DPH1: variants seen among roughly 807,000 people sequenced by gnomAD.
DPH1 encodes the protein diphthamide biosynthesis 1.
In DPH1, 59 loss-of-function variants were observed where a neutral mutation model predicts 55.3. The observed-to-expected ratio is 1.07, with a 90% CI of 0.87 to 1.33. The LOEUF (loss-of-function observed/expected upper bound fraction) is 1.33. Among genes scored for constraint, DPH1 ranks in the 40% most tolerant of loss-of-function variants. The pLI, the probability that DPH1 is intolerant of heterozygous loss-of-function variation, is 0.00. For synonymous variants in DPH1, 238 were observed against 235.5 expected (o/e 1.01, Z -0.10); for missense variants, 628 against 584.8 (o/e 1.07, Z -0.76).
chr17:2,031,234 T>C (rs770758062), intron 1 of DPH1, among the ~76,000 whole-genome samples: 33 of 151,916 alleles, frequency 2.2e-4, no homozygotes, highest in African/African-American at 7.7e-4. Flanking sequence ...CTGGGAAACA[T>C]AGGGGGACCC....
intron 12 of DPH1, 131 bp from the exon 13 acceptor site, chr17:2,042,474 A>C (rs1555526363): frequency 5.2e-6 from 7 of 1,345,242 alleles, no homozygotes; most frequent in African/African-American, 1.5e-5. Flanking sequence ...CCCCCCTCTC[A>C]TTTCCCCCAG....
At position 2,036,238 on chromosome 17, in the gene DPH1, C is replaced by T. The variant is rs994031609; in HGVS notation, c.400+147C>T. The T allele has an allele frequency of 7.2e-7, 1 of 1,387,466 alleles. No homozygotes were observed. Among genetic ancestry groups the T allele is most frequent in the South Asian group, 1.4e-5 (1 of 69,544 alleles). 85.9% of individuals were successfully genotyped at this position (1,387,466 alleles called of 1,614,324 possible). ...CTGGGGTGGCCTCTGCCTTCCCGCTCTGCAGGTAGATCTTTCCTTTGGATT... is the reference window on the plus strand; with the variant it reads ...CTGGGGTGGCCTCTGCCTTCCCGCTTTGCAGGTAGATCTTTCCTTTGGATT... On this transcript the variant is annotated intron_variant, in intron 4 of 12. Transcript: ENST00000263083. This position sits in a 1 kb window ranked among gnomAD's most constrained non-coding sequence, Gnocchi z 4.8.
intron 6 of DPH1, among the ~76,000 whole-genome samples, chr17:2,038,318 CA>C (rs913430058): frequency 4.6e-5 from 7 of 151,936 alleles, no homozygotes; most frequent in Non-Finnish European, 1.0e-4. Flanking sequence ...GACCCTGCCT[CA>C]AAAAAACAAA....
chr17:2,041,895 G>A lies in DPH1; in HGVS notation c.*18+20G>A, dbSNP rs752134066. The stretch of plus-strand genomic sequence containing the variant: ...CCTCAGGTATCAGCCCCCGCTCTGG[G>A]TGCGCCCCGCCTTTTGCCGTTGTCA... On this transcript the variant is annotated intron_variant, in intron 12 of 12. Coordinates refer to ENST00000263083, the MANE Select transcript of DPH1 (RefSeq NM_001383.6). 3.2e-6 allele frequency: 5 copies of A among 1,553,486 alleles called. No homozygotes were observed. In the African/African-American group the frequency reaches 4.1e-5, roughly 13 times the overall value.
chr17:2,035,899 C>T, intron 3 of DPH1, 71 bp from the exon 4 acceptor site: 1 of 1,594,308 alleles, frequency 6.3e-7, no homozygotes, highest in Non-Finnish European at 8.6e-7. Flanking sequence ...GAGACACCCT[C>T]CCAGGGTTGG....
At chr17:2,042,491 G>C in intron 12 of DPH1, 114 bp from the exon 13 acceptor site, 1 of 1,405,680 alleles carries the variant, frequency 7.1e-7, no homozygotes, top group Non-Finnish European at 9.3e-7. Flanking sequence ...CCAGACTTTT[G>C]CCTCGATTCC....
rs1478678778 is a variant in DPH1, at chr17:2,030,924, TC to T, written c.61+696del. ...CAAATCTGATCTCAGGGCCCCAGCC[TC>T]CGCTGGACCATCCCCACCGCCGCCC... On this transcript the variant is annotated intron_variant, in intron 1 of 12. Transcript: ENST00000263083. Among the ~76,000 whole-genome samples the T allele has an allele frequency of 3.3e-5, 5 of 152,290 alleles. No homozygotes were observed. The East Asian group carries it at 9.6e-4, about 29-fold the overall frequency.
chr17:2,041,337 C>T (rs1465981410), intron 10 of DPH1, 144 bp from the exon 11 acceptor site: 4 of 1,456,504 alleles, frequency 2.7e-6, no homozygotes, highest in Non-Finnish European at 2.8e-6. Context: ...GCTGTGTAGC[C>T]TTAGGCAAGG....
Position 2,040,583 on chromosome 17 carries a change from A to G in DPH1, c.985A>G (p.Ser329Gly), listed in dbSNP as rs2067502441. 1.2e-6 allele frequency: 2 copies of G among 1,614,172 alleles called. No homozygotes were observed. Among genetic ancestry groups the G allele is most frequent in the Non-Finnish European group, 1.7e-6 (2 of 1,180,016 alleles). The part of the protein sequence containing the change: ...LLSEIFPSKL[S>G]LLPEVDVWVQ... ...CTCTGAGATCTTCCCCAGCAAGCTTAGCCTACTTCCTGAGGTGGATGTGTG... is the reference window on the plus strand; with the variant it reads ...CTCTGAGATCTTCCCCAGCAAGCTTGGCCTACTTCCTGAGGTGGATGTGTG... The change falls in exon 9 of 13, where the codon AGC becomes GGC. Residue 329 changes from serine to glycine, a missense_variant. By Grantham distance (56) the Ser-to-Gly change is moderately conservative (BLOSUM62 0). Coordinates refer to ENST00000263083, the MANE Select transcript of DPH1 (RefSeq NM_001383.6).
At chr17:2,042,169 G>A (rs1410670433) in intron 12 of DPH1, 8 of 1,465,550 alleles carry the variant, frequency 5.5e-6, no homozygotes, top group African/African-American at 1.5e-5. Flanking sequence ...GAGCTCGTGT[G>A]CCTCAGCGGC....
chr17:2,041,870 C>G lies in DPH1; in HGVS notation c.*13C>G, dbSNP rs749001847. ...GCTGGCTCCTTGACGCGCTCCCGGGCCTCAGGTATCAGCCCCCGCTCTGGG... is the reference window on the plus strand; with the variant it reads ...GCTGGCTCCTTGACGCGCTCCCGGGGCTCAGGTATCAGCCCCCGCTCTGGG... On this transcript the variant is annotated 3_prime_UTR_variant, in exon 12 of 13. Coordinates refer to ENST00000263083, the MANE Select transcript of DPH1 (RefSeq NM_001383.6). 2.3e-5 allele frequency: 36 copies of G among 1,580,562 alleles called. No homozygotes were observed. Among genetic ancestry groups the G allele is most frequent in the African/African-American group, 5.4e-5 (4 of 74,336 alleles).
rs1381601863 is a variant in DPH1, at chr17:2,043,562, C to G, written c.*976C>G. On this transcript the variant is annotated 3_prime_UTR_variant, in exon 13 of 13. Transcript: ENST00000263083. ...TTGTGAGTCCTCGGACAGGCTGCTG[C>G]ATGGGTGCACATACTCACGTTATTG... 1 of 165,190 alleles carries G rather than the reference C, an allele frequency of 6.1e-6. No homozygotes were observed. The highest frequency in any genetic ancestry group is 1.3e-5 in the Non-Finnish European group (1 of 75,750). The allele number at this position is 165,190 out of a possible 1,614,324, so 10.2% of individuals were successfully genotyped here.
chr17:2,040,266 G>A lies in DPH1; in HGVS notation c.798G>A (p.Gln266=), dbSNP rs751038673. Residue 266 remains glutamine, a synonymous_variant, in exon 8 of 13, where the codon CAG becomes CAA. Transcript: ENST00000263083. ...TATCCAGAGAACACTATGACCACCA[G>A]CGCATGCAGGCTGCTCGCCAAGAAG... ...KVLSREHYDH[Q]RMQAARQEAI... is the part of the protein sequence containing the mutation. The A allele has an allele frequency of 6.2e-7, 1 of 1,614,062 alleles. No homozygotes were observed.
At chr17:2,032,253 A>G (rs550463278) in intron 1 of DPH1, among the ~76,000 whole-genome samples, 102 of 152,236 alleles carry the variant, frequency 6.7e-4, no homozygotes, top group Non-Finnish European at 1.3e-3. Context: ...TGGGCTGGCT[A>G]GACTGACTCT....
chr17:2,035,067 G>C (rs1461151147), intron 3 of DPH1: 1 of 151,952 alleles, frequency 6.6e-6, no homozygotes, highest in East Asian at 2.0e-4. Flanking sequence ...GAAGGGGGTG[G>C]AGGAGGGGGT....
rs974105484 is a variant in DPH1 at position 2,033,914 on chromosome 17, G to A, written c.278+72G>A. 6 of 1,577,348 alleles carry A rather than the reference G, an allele frequency of 3.8e-6. No homozygotes were observed. In the East Asian group the frequency reaches 6.7e-5, roughly 18 times the overall value. ...CCCCCTATGCTCATTACCCGGGTGG[G>A]TAAAGCCCTGGTGGCGGGCATTTTT... On this transcript the variant is annotated intron_variant, in intron 3 of 12. Coordinates refer to ENST00000263083, the MANE Select transcript of DPH1 (RefSeq NM_001383.6).
chr17:2,031,330 G>A (rs1394718479), intron 1 of DPH1, among the ~76,000 whole-genome samples: 1 of 152,118 alleles, frequency 6.6e-6, no homozygotes, highest in Non-Finnish European at 1.5e-5. Context: ...GGAGGCTGAG[G>A]CGGGCGGATT....
chr17:2,041,990 G>T, intron 12 of DPH1, 115 bp downstream of exon 12: 1 of 1,491,102 alleles, frequency 6.7e-7, no homozygotes, highest in Non-Finnish European at 8.9e-7. Context: ...CCCGTGCATT[G>T]TGCTTCCGCT....
intron 6 of DPH1, chr17:2,039,479 G>C (rs1434858648): frequency 5.6e-6 from 2 of 356,896 alleles, no homozygotes; most frequent in African/African-American, 4.2e-5. Flanking sequence ...CCGGGTTCAC[G>C]CCATTCTCCT....
Sources: gnomAD v4.1 joint callset for allele counts (sites outside exome capture counted in the v4.1 genomes callset) on GRCh38, gnomAD v4.1.1 for gene constraint, Gnocchi (gnomAD v3.1) non-coding constraint, MANE v1.5 for transcripts, NCBI Gene and HGNC (gene_info 2026-07-23, HGNC 2026-07-21) for gene names.